STAT1: variants seen among roughly 807,000 people sequenced by gnomAD.
The protein encoded by STAT1 is signal transducer and activator of transcription 1, also known as signal transducer and activator of transcription 1-alpha/beta.
A neutral mutation model predicts 111.7 loss-of-function variants in STAT1; 24 were observed. The ratio of observed to expected loss-of-function variants is 0.21; its 90% CI spans 0.16 to 0.30. The LOEUF (loss-of-function observed/expected upper bound fraction) is 0.30. STAT1 is among the 10% of genes least tolerant of loss of function. The pLI is 1.00. For missense variants in STAT1, 351 were observed against 911.9 expected, an observed-to-expected ratio of 0.38 and a Z score of 7.92; for synonymous variants, 332 against 326.5, an observed-to-expected ratio of 1.02 and a Z score of -0.18.
chr2:191,006,352 C>A lies in STAT1; in HGVS notation c.372+1211G>T, dbSNP rs1258971245. On this transcript the variant is annotated intron_variant, in intron 5 of 24. Transcript: ENST00000361099. The surrounding 1 kb of genome is among the most constrained non-coding windows in gnomAD (Gnocchi z 4.6). ...TTCCCTAGGCTGGGTACCAGATGAG[C>A]TAGCCAGCTTGAGTTTAGAATAAGC... Among the ~76,000 whole-genome samples, 3 of 152,182 alleles carry A rather than the reference C, an allele frequency of 2.0e-5. No individual in the cohort carries two copies. Among genetic ancestry groups the A allele is most frequent in the African/African-American group, 7.2e-5 (3 of 41,436 alleles).
Position 191,001,135 on chromosome 2 carries a change from A to G in STAT1, c.401T>C (p.Val134Ala). 6.2e-7 allele frequency: 1 copy of G among 1,613,954 alleles called. No individual in the cohort carries two copies. Among genetic ancestry groups the G allele is most frequent in the East Asian group, 2.2e-5 (1 of 44,874 alleles). ...AAGCTCTTTCTGTTTGTCTAACATCACTGTGCTCTGAATATTCCCCGACTG... is the reference window on the plus strand; with the variant it reads ...AAGCTCTTTCTGTTTGTCTAACATCGCTGTGCTCTGAATATTCCCCGACTG... ...QAQSGNIQST[V>A]MLDKQKELDS... Residue 134 changes from valine to alanine, a missense_variant, in exon 6 of 25, where the codon GTG becomes GCG. Around this residue, in one of 7 missense-constraint regions of STAT1, gnomAD observed 20 missense variants for 18.4 expected, o/e 1.09. Transcript: ENST00000361099.
In STAT1 at chr2:190,989,819, A is replaced by G; in HGVS notation, c.1038-145T>C. ...AACAAAAAAACTGACAGTTTTGTAGATCTACTTAAATTTTTGTAAGTGTAT... is the reference window on the plus strand; with the variant it reads ...AACAAAAAAACTGACAGTTTTGTAGGTCTACTTAAATTTTTGTAAGTGTAT... On this transcript the variant is annotated intron_variant, in intron 11 of 24. Transcript: ENST00000361099. This position sits in a 1 kb window ranked among gnomAD's most constrained non-coding sequence, Gnocchi z 5.0. 1.6e-6 allele frequency: 1 copy of G among 630,754 alleles called. No homozygotes were observed. The highest frequency in any genetic ancestry group is 2.8e-6 in the Non-Finnish European group (1 of 355,086). The allele number at this position is 630,754 out of a possible 1,614,324, so 39.1% of individuals were successfully genotyped here.
At position 190,979,083 on chromosome 2, in the gene STAT1, T is replaced by C; in HGVS notation, c.1728-82A>G. On this transcript the variant is annotated intron_variant, in intron 20 of 24. Transcript: ENST00000361099. This position sits in a 1 kb window ranked among gnomAD's most constrained non-coding sequence, Gnocchi z 5.8. The stretch of plus-strand genomic sequence containing the variant: ...CATGCTAACTTACAAACCAAGAAAA[T>C]GGCTGGAATGTGAGAAAAAAAACCT... 4 of 1,576,860 alleles carry C rather than the reference T, an allele frequency of 2.5e-6. No homozygotes were observed. Among genetic ancestry groups the C allele is most frequent in the African/African-American group, 1.3e-5 (1 of 74,158 alleles).
rs1035927135 is a variant in STAT1 at position 190,997,044 on chromosome 2, T to C, written c.785+812A>G. 1.5e-4 allele frequency among the ~76,000 whole-genome samples: 23 copies of C among 152,336 alleles called. No homozygotes were observed. The highest frequency in any genetic ancestry group is 5.5e-4 in the African/African-American group (23 of 41,582). On this transcript the variant is annotated intron_variant, in intron 9 of 24. Transcript: ENST00000361099. The surrounding 1 kb of genome is among the most constrained non-coding windows in gnomAD (Gnocchi z 7.3). ...CATTCCCAGCATGGTGCTGAGAACCTGCACCATCAGGCTCCAGCATCTCCC... is the reference window on the plus strand; with the variant it reads ...CATTCCCAGCATGGTGCTGAGAACCCGCACCATCAGGCTCCAGCATCTCCC...
Position 190,979,254 on chromosome 2 carries a change from G to A in STAT1, c.1728-253C>T, listed in dbSNP as rs1472419634. On this transcript the variant is annotated intron_variant, in intron 20 of 24. Coordinates refer to ENST00000361099, the MANE Select transcript of STAT1 (RefSeq NM_007315.4). The surrounding 1 kb of genome is among the most constrained non-coding windows in gnomAD (Gnocchi z 5.8). ...GCTACAGATGCTCAATAACACGTGT[G>A]GGATTAATGAGCCTTTTATTGTTCC... Among the ~76,000 whole-genome samples, 1 of 152,190 alleles carries A rather than the reference G, an allele frequency of 6.6e-6. No homozygotes were observed. Among genetic ancestry groups the A allele is most frequent in the Non-Finnish European group, 1.5e-5 (1 of 68,042 alleles).
chr2:191,009,951 A>T lies in STAT1; in HGVS notation c.53T>A (p.Val18Asp). 1 of 1,614,074 alleles carries T rather than the reference A, an allele frequency of 6.2e-7. No individual in the cohort carries two copies. Among genetic ancestry groups the T allele is most frequent in the Non-Finnish European group, 8.5e-7 (1 of 1,179,944 alleles). Residue 18 changes from valine (V) to aspartate (D), a missense_variant, in exon 3 of 25, where the codon GTT (valine) becomes GAT (aspartate). By Grantham distance (152) the Val-to-Asp change is radical. This residue lies in a region of STAT1 where 44 missense variants were observed against 144.2 expected (regional missense o/e 0.31). Coordinates refer to ENST00000361099, the MANE Select transcript of STAT1 (RefSeq NM_007315.4). ...QQLDSKFLEQ[V>D]HQLYDDSFPM... ...AAAACTGTCATCATAAAGCTGGTGA[A>T]CCTGCTCCAGGAATTTTGAGTCAAG...
In STAT1 at chr2:190,974,967, A is replaced by T; in HGVS notation, c.2136-35T>A. 4.1e-6 allele frequency: 6 copies of T among 1,478,726 alleles called. No homozygotes were observed. The highest frequency in any genetic ancestry group is 5.7e-6 in the Non-Finnish European group (6 of 1,058,354). The allele number at this position is 1,478,726 out of a possible 1,614,324, so 91.6% of individuals were successfully genotyped here. A position where few individuals can be genotyped will look rare whatever the true frequency, so the allele number is the denominator to read the frequency against. On this transcript the variant is annotated intron_variant, in intron 23 of 24. Coordinates refer to ENST00000361099, the MANE Select transcript of STAT1 (RefSeq NM_007315.4). The surrounding 1 kb of genome is among the most constrained non-coding windows in gnomAD (Gnocchi z 4.8). ...GGAAAAAGAAAAGAGCAATGTCAAC[A>T]TCTGAGTGATGAAAGCACTAGTGCA...
At position 190,999,752 on chromosome 2, in the gene STAT1, A is replaced by T; in HGVS notation, c.463-48T>A. On this transcript the variant is annotated intron_variant, in intron 6 of 24. Coordinates refer to ENST00000361099, the MANE Select transcript of STAT1 (RefSeq NM_007315.4). The surrounding 1 kb of genome is among the most constrained non-coding windows in gnomAD (Gnocchi z 4.1). ...GTTTTCTACTGATCAGCAACTTCCA[A>T]AGACTTTAGGCAACAGAGTATTGCT... 1 of 1,373,746 alleles carries T rather than the reference A, an allele frequency of 7.3e-7. No individual in the cohort carries two copies. The highest frequency in any genetic ancestry group is 1.0e-6 in the Non-Finnish European group (1 of 963,964). The allele number at this position is 1,373,746 out of a possible 1,614,324, so 85.1% of individuals were successfully genotyped here. A position where few individuals can be genotyped will look rare whatever the true frequency, so the allele number is the denominator to read the frequency against.
At position 190,981,466 on chromosome 2, in the gene STAT1, A is replaced by G. The variant is rs1454081184; in HGVS notation, c.1583-797T>C. Among the ~76,000 whole-genome samples the G allele has an allele frequency of 1.3e-5, 2 of 152,366 alleles. No individual in the cohort carries two copies. Among genetic ancestry groups the G allele is most frequent in the East Asian group, 3.9e-4 (2 of 5,194 alleles). The stretch of plus-strand genomic sequence containing the variant: ...GCAGCCTGGGCGAGAAGAGGCGGTA[A>G]GCCCATTATCGGTCTTCAAAGAGAA... On this transcript the variant is annotated intron_variant, in intron 18 of 24. Transcript: ENST00000361099. The surrounding 1 kb of genome is among the most constrained non-coding windows in gnomAD (Gnocchi z 4.1).
rs1362158371 is a variant in STAT1, at chr2:191,003,453, C to A, written c.373-2290G>T. 6.6e-6 allele frequency among the ~76,000 whole-genome samples: 1 copy of A among 152,168 alleles called. No individual in the cohort carries two copies. Among genetic ancestry groups the A allele is most frequent in the East Asian group, 1.9e-4 (1 of 5,202 alleles). ...GTAATCCCCATTGTTGGAGGTGGGG[C>A]CTGGTGGAAGGTGACTGGATCACGG... On this transcript the variant is annotated intron_variant, in intron 5 of 24. Coordinates refer to ENST00000361099, the MANE Select transcript of STAT1 (RefSeq NM_007315.4). The surrounding 1 kb of genome is among the most constrained non-coding windows in gnomAD (Gnocchi z 4.0).
chr2:191,007,674 G>C lies in STAT1; in HGVS notation c.274-13C>G, dbSNP rs45565836. The C allele has an allele frequency of 1.2e-4, 189 of 1,562,786 alleles. 1 individual carries two copies. In the African/African-American group the frequency reaches 2.4e-3, roughly 20 times the overall value. ...CCTGAAAATTATCCTAGATTTGAGT[G>C]GTTAGAACAAAAATAAATTAAAATG... On this transcript the variant is annotated splice_polypyrimidine_tract_variant and intron_variant, in intron 4 of 24. Coordinates refer to ENST00000361099, the MANE Select transcript of STAT1 (RefSeq NM_007315.4). This position sits in a 1 kb window ranked among gnomAD's most constrained non-coding sequence, Gnocchi z 4.2.
chr2:191,002,071 T>C (rs751430131), intron 5 of STAT1, among the ~76,000 whole-genome samples: 2 of 152,220 alleles, frequency 1.3e-5, no homozygotes, highest in African/African-American at 4.8e-5. Flanking sequence ...ATTTTCCTTA[T>C]ATTAGAAAGC....
rs1692653662 is a variant in STAT1 at position 190,984,681 on chromosome 2, GCT to G, written c.1264-290_1264-289del. 1.3e-5 allele frequency among the ~76,000 whole-genome samples: 2 copies of G among 152,174 alleles called. No individual in the cohort carries two copies. The highest frequency in any genetic ancestry group is 4.1e-4 in the South Asian group (2 of 4,830). ...GTGACCTAAGGCTTCTCGACCCTCAGCTCTGTCTGCCTGCCCAGTGTGGCTGC... is the reference window on the plus strand; with the variant it reads ...GTGACCTAAGGCTTCTCGACCCTCAGCTGTCTGCCTGCCCAGTGTGGCTGC... On this transcript the variant is annotated intron_variant, in intron 15 of 24. Coordinates refer to ENST00000361099, the MANE Select transcript of STAT1 (RefSeq NM_007315.4). This position sits in a 1 kb window ranked among gnomAD's most constrained non-coding sequence, Gnocchi z 5.2.
Position 190,998,335 on chromosome 2 carries a change from T to C in STAT1, c.542-27A>G. ...TATAAATTGAGAGACAGCCAGTAAA[T>C]ATATAAAGAAGACAAAACCAACAAA... On this transcript the variant is annotated intron_variant, in intron 7 of 24. Transcript: ENST00000361099. This position sits in a 1 kb window ranked among gnomAD's most constrained non-coding sequence, Gnocchi z 4.1. 6.4e-7 allele frequency: 1 copy of C among 1,565,280 alleles called. No individual in the cohort carries two copies. The highest frequency in any genetic ancestry group is 8.8e-7 in the Non-Finnish European group (1 of 1,136,846).
intron 24 of STAT1, among the ~76,000 whole-genome samples, chr2:190,972,118 A>T (rs1691530590): frequency 6.6e-6 from 1 of 152,214 alleles, no homozygotes; most frequent in Non-Finnish European, 1.5e-5. Context: ...CCAGATTCAG[A>T]TCCTGTCACT....
intron 10 of STAT1, chr2:190,992,794 T>A: frequency 5.8e-6 from 1 of 172,578 alleles, no homozygotes; most frequent in Non-Finnish European, 1.1e-5. Flanking sequence ...GCATTCTTTC[T>A]TTTTTTTTTT....
rs1407780164 is a variant in STAT1 at position 191,003,477 on chromosome 2, G to C, written c.373-2314C>G. Reference sequence around the variant, plus strand: ...GCCTGGTGGAAGGTGACTGGATCACGGGGACAGTTTCTCATGAATAGTTTA... The same window carrying C: ...GCCTGGTGGAAGGTGACTGGATCACCGGGACAGTTTCTCATGAATAGTTTA... On this transcript the variant is annotated intron_variant, in intron 5 of 24. Transcript: ENST00000361099. The surrounding 1 kb of genome is among the most constrained non-coding windows in gnomAD (Gnocchi z 4.0). Among the ~76,000 whole-genome samples, 1 of 152,164 alleles carries C rather than the reference G, an allele frequency of 6.6e-6. No individual in the cohort carries two copies. The highest frequency in any genetic ancestry group is 2.4e-5 in the African/African-American group (1 of 41,434).
At position 191,013,682 on chromosome 2, in the gene STAT1, C is replaced by A. The variant is rs1695312063; in HGVS notation, c.-155-4G>T. ...GGCATACAGCAAATGAAACTTTCTG[C>A]GAAAAGAAGAAAACGTGACTGATGG... is the stretch of plus-strand genomic sequence containing the variant. On this transcript the variant is annotated splice_region_variant and splice_polypyrimidine_tract_variant and intron_variant, in intron 1 of 24. Transcript: ENST00000361099. 7.5e-6 allele frequency: 3 copies of A among 398,358 alleles called. No homozygotes were observed. In the South Asian group the frequency reaches 3.8e-4, roughly 51 times the overall value. 24.7% of individuals were successfully genotyped at this position (398,358 alleles called of 1,614,324 possible).
Position 191,004,673 on chromosome 2 carries a change from G to A in STAT1, c.372+2890C>T, listed in dbSNP as rs1375438942. Among the ~76,000 whole-genome samples the A allele has an allele frequency of 1.3e-5, 2 of 152,086 alleles. No homozygotes were observed. Among genetic ancestry groups the A allele is most frequent in the Non-Finnish European group, 1.5e-5 (1 of 68,014 alleles). On this transcript the variant is annotated intron_variant, in intron 5 of 24. Coordinates refer to ENST00000361099, the MANE Select transcript of STAT1 (RefSeq NM_007315.4). This position sits in a 1 kb window ranked among gnomAD's most constrained non-coding sequence, Gnocchi z 5.0. ...CTTAGTTTTCTCATCTTTAAAATGGGGATAAGAATACCTAACTTCAGTGAT... is the reference window on the plus strand; with the variant it reads ...CTTAGTTTTCTCATCTTTAAAATGGAGATAAGAATACCTAACTTCAGTGAT...
Sources: allele counts gnomAD v4.1 joint callset (sites outside exome capture counted in the v4.1 genomes callset), GRCh38; gene constraint gnomAD v4.1.1; regional missense constraint gnomAD v4.1.1; non-coding constraint Gnocchi (gnomAD v3.1); transcripts MANE v1.5; gene names NCBI Gene and HGNC (gene_info 2026-07-23, HGNC 2026-07-21).